SLC36A4: variants seen among roughly 807,000 people sequenced by gnomAD.
SLC36A4 encodes neutral amino acid uniporter 4.
A neutral mutation model predicts 50.5 loss-of-function variants in SLC36A4; 49 were observed. The ratio of observed to expected loss-of-function variants is 0.97; its 90% CI spans 0.77 to 1.23. The LOEUF is 1.23. SLC36A4 is among the 50% of genes most tolerant of loss of function. The probability of loss-of-function intolerance (pLI) is 0.00; values close to 1 mark genes in which losing one functional copy is unlikely to be tolerated. For missense variants in SLC36A4, 611 were observed against 608.4 expected, an observed-to-expected ratio of 1.00 and a Z score of -0.05; for synonymous variants, 207 against 206.5, an observed-to-expected ratio of 1.00 and a Z score of -0.02.
Position 93,145,095 on chromosome 11 carries a change from A to G in SLC36A4, c.*3442T>C, listed in dbSNP as rs776566116. 3 of 152,082 alleles carry G rather than the reference A, an allele frequency of 2.0e-5. No homozygotes were observed. Among genetic ancestry groups the G allele is most frequent in the Admixed American group, 1.3e-4 (2 of 15,240 alleles). 9.4% of individuals were successfully genotyped at this position (152,082 alleles called of 1,614,324 possible). ...GCTGTACTGAAATCTATGAGAAGAC[A>G]TAAGTAAGCTATAGTAAGACTTGTG... On this transcript the variant is annotated 3_prime_UTR_variant, in exon 11 of 11. Transcript: ENST00000326402.
intron 2 of SLC36A4, among the ~76,000 whole-genome samples, chr11:93,184,857 A>G (rs928790438): frequency 6.6e-6 from 1 of 152,196 alleles, no homozygotes; most frequent in African/African-American, 2.4e-5. Context: ...TTTAAAAAGT[A>G]ATTTTCTCAT....
intron 4 of SLC36A4, chr11:93,182,273 A>C: frequency 1.1e-6 from 1 of 903,396 alleles, no homozygotes; most frequent in Non-Finnish European, 1.3e-6. Context: ...TGTTCTATAA[A>C]GCTCATAAAT....
At chr11:93,162,542 C>T (rs909966380) in intron 9 of SLC36A4, among the ~76,000 whole-genome samples, 164 bp downstream of exon 9, 2 of 152,158 alleles carry the variant, frequency 1.3e-5, no homozygotes, top group Non-Finnish European at 2.9e-5. Context: ...CTCCCGACCT[C>T]AGGTGATCCG....
chr11:93,148,944 A>G (rs992651781), intron 10 of SLC36A4, 100 bp from the exon 11 acceptor site: 131 of 1,140,340 alleles, frequency 1.1e-4, no homozygotes, highest in Non-Finnish European at 1.6e-4. Flanking sequence ...ATTACTAGAA[A>G]TAATTAATGA....
chr11:93,176,646 A>G (rs899908929), intron 6 of SLC36A4, among the ~76,000 whole-genome samples: 7 of 151,972 alleles, frequency 4.6e-5, no homozygotes, highest in African/African-American at 1.5e-4. Context: ...CAGGCCTGGT[A>G]GTGACAAAAT....
rs115649308 is a variant in SLC36A4, at chr11:93,177,407, C to G, written c.540+3390G>C. Among the ~76,000 whole-genome samples the G allele has an allele frequency of 7.2e-3, 1,097 of 152,278 alleles. 12 individuals carry two copies. Among genetic ancestry groups the G allele is most frequent in the African/African-American group, 0.026 (1,060 of 41,530 alleles). On this transcript the variant is annotated intron_variant, in intron 6 of 10. Coordinates refer to ENST00000326402, the MANE Select transcript of SLC36A4 (RefSeq NM_152313.4). The stretch of plus-strand genomic sequence containing the variant: ...GAAGGGTTCGAACATCCTCCTTTAG[C>G]TTGAAGAAGTTTGTTACTACCGATC...
intron 9 of SLC36A4, chr11:93,160,759 C>T (rs1860582480): frequency 1.3e-5 from 13 of 975,214 alleles, no homozygotes; most frequent in Non-Finnish European, 1.6e-5. Flanking sequence ...GACATTATTT[C>T]CATGTACCTT....
chr11:93,181,721 C>T lies in SLC36A4; in HGVS notation c.425G>A (p.Ser142Asn), dbSNP rs1170196020. 1.3e-6 allele frequency: 2 copies of T among 1,540,918 alleles called. No individual in the cohort carries two copies. The highest frequency in any genetic ancestry group is 1.4e-5 in the African/African-American group (1 of 73,164). ...CCATGCTGCTTGCTTCTGAAGACAA[C>T]TCCAAGGACTCACTTCCATAGCAAA... Reference protein sequence around the residue: ...VSFAMEVSPWSCLQKQAAWGR... With the variant: ...VSFAMEVSPWNCLQKQAAWGR... The change falls in exon 5 of 11, where the codon AGT becomes AAT. Residue 142 changes from serine (S) to asparagine (N), a missense_variant. Ser to Asn is a conservative substitution (Grantham distance 46). Coordinates refer to ENST00000326402, the MANE Select transcript of SLC36A4 (RefSeq NM_152313.4).
intron 9 of SLC36A4, among the ~76,000 whole-genome samples, chr11:93,162,124 T>A (rs908381820): frequency 6.6e-6 from 1 of 152,156 alleles, no homozygotes; most frequent in African/African-American, 2.4e-5. Flanking sequence ...CAAGTATTAA[T>A]TTTTTTATTA....
chr11:93,182,612 C>T (rs1861785256), intron 4 of SLC36A4, among the ~76,000 whole-genome samples, 194 bp downstream of exon 4: 1 of 152,020 alleles, frequency 6.6e-6, no homozygotes, highest in South Asian at 2.1e-4. Flanking sequence ...ACTAATAAGG[C>T]TACCTTTTAA....
chr11:93,190,135 C>T (rs1862152510), intron 1 of SLC36A4, among the ~76,000 whole-genome samples: 1 of 152,094 alleles, frequency 6.6e-6, no homozygotes, highest in Non-Finnish European at 1.5e-5. Flanking sequence ...TTCAATGTTA[C>T]ATTTTCTAGA....
At chr11:93,172,492 T>A (rs567325253) in intron 6 of SLC36A4, among the ~76,000 whole-genome samples, 13 of 151,708 alleles carry the variant, frequency 8.6e-5, no homozygotes, top group Admixed American at 7.2e-4. Context: ...CATGTGCACA[T>A]TGTGCAGCTT....
chr11:93,197,425 A>G (rs1013177180), intron 1 of SLC36A4: 9 of 384,828 alleles, frequency 2.3e-5, no homozygotes, highest in Non-Finnish European at 4.2e-5. Context: ...CAGAACAATG[A>G]TAACTTCCTT....
At chr11:93,169,372 G>A (rs1361286807) in intron 6 of SLC36A4, among the ~76,000 whole-genome samples, 1 of 152,060 alleles carries the variant, frequency 6.6e-6, no homozygotes, top group African/African-American at 2.4e-5. Context: ...TCTAGAATTA[G>A]CCTGACCAAA....
intron 1 of SLC36A4, among the ~76,000 whole-genome samples, chr11:93,190,862 C>T (rs1000685287): frequency 6.6e-6 from 1 of 152,146 alleles, no homozygotes; most frequent in Non-Finnish European, 1.5e-5. Context: ...TGAAAAATCT[C>T]TAAGACTTTC....
intron 2 of SLC36A4, 158 bp downstream of exon 2, chr11:93,185,533 C>T (rs962027316): frequency 1.7e-5 from 10 of 587,844 alleles, no homozygotes; most frequent in African/African-American, 5.7e-5. Flanking sequence ...GTGATTTAAA[C>T]GCATTTCTTT....
At chr11:93,170,402 A>G (rs1367268262) in intron 6 of SLC36A4, among the ~76,000 whole-genome samples, 1 of 152,064 alleles carries the variant, frequency 6.6e-6, no homozygotes, top group Non-Finnish European at 1.5e-5. Context: ...AGTACCCTAC[A>G]TTTGTATCTT....
chr11:93,197,815 C>T lies in SLC36A4; in HGVS notation c.18G>A (p.Thr6=). 6.3e-7 allele frequency: 1 copy of T among 1,579,444 alleles called. No homozygotes were observed. The highest frequency in any genetic ancestry group is 2.4e-5 in the East Asian group (1 of 42,482). ...GCCTCGCCGCCCCGGCAGCCGCCGG[C>T]GTCGCCGCCGCTTCCATCTCTCGCG... MEAAA[T]PAAAGAARRE... Residue 6 remains threonine (T), a synonymous_variant, in exon 1 of 11, where the codon ACG becomes ACA. Coordinates refer to ENST00000326402, the MANE Select transcript of SLC36A4 (RefSeq NM_152313.4).
intron 1 of SLC36A4, chr11:93,193,151 A>G (rs1862283431): frequency 2.3e-6 from 1 of 438,714 alleles, no homozygotes; most frequent in African/African-American, 2.1e-5. Flanking sequence ...ATAATAATTA[A>G]TACTTCTGAG....
Sources: gnomAD v4.1 joint callset for allele counts (sites outside exome capture counted in the v4.1 genomes callset) on GRCh38, gnomAD v4.1.1 for gene constraint, MANE v1.5 for transcripts, NCBI Gene and HGNC (gene_info 2026-07-23, HGNC 2026-07-21) for gene names.